TOMM34: variants seen among roughly 807,000 people sequenced by gnomAD.
TOMM34 encodes the protein mitochondrial import receptor subunit TOM34.
TOMM34 carries 24 observed loss-of-function variants against 37.4 expected under a neutral mutation model. The observed-to-expected ratio is 0.64, with a 90% CI of 0.46 to 0.90. The LOEUF (loss-of-function observed/expected upper bound fraction) is 0.90, where lower values mean the gene tolerates loss of function less well. TOMM34 is among the 40% of genes least tolerant of loss of function. The pLI is 0.00. For missense variants in TOMM34, 304 were observed against 375.6 expected (o/e 0.81, Z 1.58); for synonymous variants, 154 against 148.9 (o/e 1.03, Z -0.25).
rs2234203 is a variant in TOMM34 at position 44,955,202 on chromosome 20, G to C, written c.246C>G (p.Pro82=). ...GCCGCAGCAGGGGCTTAATGCTGAA[G>C]GGAACCAAGGCCAGTGCTCTAGAAT... ...KDCTSALALV[P]FSIKPLLRRA... Residue 82 remains proline (P), a synonymous_variant, in exon 3 of 7, where the codon CCC becomes CCG. Transcript: ENST00000372813. 6.0e-4 allele frequency: 964 copies of C among 1,614,142 alleles called. 5 individuals carry two copies. The African/African-American group carries it at 0.012, about 20-fold the overall frequency.
In TOMM34 at chr20:44,942,188, A is replaced by G. The variant is rs921824234; in HGVS notation, c.*921T>C. 1 of 152,278 alleles carries G rather than the reference A, an allele frequency of 6.6e-6. No individual in the cohort carries two copies. The highest frequency in any genetic ancestry group is 1.5e-5 in the Non-Finnish European group (1 of 68,056). 9.4% of individuals were successfully genotyped at this position (152,278 alleles called of 1,614,324 possible). A position where few individuals can be genotyped will look rare whatever the true frequency, so the allele number is the denominator to read the frequency against. On this transcript the variant is annotated 3_prime_UTR_variant, in exon 7 of 7. Coordinates refer to ENST00000372813, the MANE Select transcript of TOMM34 (RefSeq NM_006809.5). The stretch of plus-strand genomic sequence containing the variant: ...CTACAGAGTTCCAGGTGCAAAGCTG[A>G]AAAGGCATAAATGAAAGCACAGCAG...
At chr20:44,953,600 T>G (rs912054142) in intron 3 of TOMM34, among the ~76,000 whole-genome samples, 7 of 152,228 alleles carry the variant, frequency 4.6e-5, no homozygotes, top group African/African-American at 1.7e-4. Context: ...CTTTGTTCCA[T>G]GTAAATACCC....
intron 5 of TOMM34, among the ~76,000 whole-genome samples, chr20:44,947,180 T>G (rs1329023385): frequency 6.6e-6 from 1 of 152,144 alleles, no homozygotes; most frequent in Non-Finnish European, 1.5e-5. Context: ...ATGGAACAAA[T>G]AGGCTGCAGG....
intron 3 of TOMM34, chr20:44,952,830 T>C: frequency 1.6e-6 from 1 of 623,038 alleles, no homozygotes; most frequent in Non-Finnish European, 2.9e-6. Context: ...AACCACAGAC[T>C]GTATCACTAC....
rs181840514 is a variant in TOMM34 at position 44,959,070 on chromosome 20, G to A, written c.127+1137C>T. On this transcript the variant is annotated intron_variant, in intron 1 of 6. Coordinates refer to ENST00000372813, the MANE Select transcript of TOMM34 (RefSeq NM_006809.5). ...TTCCATGTCTTCACTATGTAACCCC[G>A]AGGGAGCCAATTTAACTCTCTTGGA... is the stretch of plus-strand genomic sequence containing the variant. 473 of 152,076 alleles carry A rather than the reference G, an allele frequency of 3.1e-3. 1 individual carries two copies. The highest frequency in any genetic ancestry group is 2.7e-3 in the Non-Finnish European group (182 of 68,016). The allele number at this position is 152,076 out of a possible 1,614,324, so 9.4% of individuals were successfully genotyped here. A position where few individuals can be genotyped will look rare whatever the true frequency, so the allele number is the denominator to read the frequency against.
intron 1 of TOMM34, among the ~76,000 whole-genome samples, chr20:44,956,792 G>C (rs1233060322): frequency 2.7e-5 from 4 of 149,900 alleles, no homozygotes; most frequent in African/African-American, 9.8e-5. Flanking sequence ...AATCCATGCT[G>C]TAACTACTTG....
intron 3 of TOMM34, among the ~76,000 whole-genome samples, chr20:44,952,311 A>G (rs1264495244): frequency 1.3e-5 from 2 of 152,262 alleles, no homozygotes; most frequent in African/African-American, 4.8e-5. Flanking sequence ...AGAAAGAATC[A>G]TACATTTTGT....
chr20:44,953,511 TTC>T (rs2067044247), intron 3 of TOMM34, among the ~76,000 whole-genome samples: 1 of 152,194 alleles, frequency 6.6e-6, no homozygotes, highest in Non-Finnish European at 1.5e-5. Context: ...AGCTGTGATG[TTC>T]TTTTTCTTTC....
chr20:44,951,953 G>A lies in TOMM34; in HGVS notation c.430C>T (p.Leu144=), dbSNP rs1275949396. ...ACAGGCACCAAGGGGATTGAGGGCAGCTTCAGGCGCCACTCAGGCCCAAGC... is the reference window on the plus strand; with the variant it reads ...ACAGGCACCAAGGGGATTGAGGGCAACTTCAGGCGCCACTCAGGCCCAAGC... ...DSLGPEWRLK[L]PSIPLVPVSA... is the part of the protein sequence containing the mutation. The change falls in exon 4 of 7, where the codon CTG becomes TTG. Residue 144 remains leucine (L), a synonymous_variant. Transcript: ENST00000372813. The A allele has an allele frequency of 6.2e-6, 10 of 1,613,956 alleles. No individual in the cohort carries two copies. Among genetic ancestry groups the A allele is most frequent in the Non-Finnish European group, 8.5e-6 (10 of 1,179,964 alleles).
intron 3 of TOMM34, among the ~76,000 whole-genome samples, chr20:44,954,618 T>C (rs56036561): frequency 5.9e-5 from 9 of 152,310 alleles, no homozygotes; most frequent in Non-Finnish European, 1.0e-4. Context: ...GGGGAACCTC[T>C]TGGATTGGTC....
chr20:44,947,423 AT>A (rs1363880483), intron 5 of TOMM34, among the ~76,000 whole-genome samples: 1 of 152,230 alleles, frequency 6.6e-6, no homozygotes, highest in African/African-American at 2.4e-5. Context: ...AATACTAATA[AT>A]TAACTTCTGC....
At position 44,960,304 on chromosome 20, in the gene TOMM34, C is replaced by A; in HGVS notation, c.30G>T (p.Glu10Asp). 1 of 1,584,916 alleles carries A rather than the reference C, an allele frequency of 6.3e-7. No homozygotes were observed. Residue 10 changes from glutamate to aspartate, a missense_variant, in exon 1 of 7, where the codon GAG becomes GAT. By Grantham distance (45) the Glu-to-Asp change is conservative. Transcript: ENST00000372813. Reference sequence around the variant, plus strand: ...TCTCATTGCCGGCGGCGCGGAGCTCCTCCACAGAGTCTGGGAATTTGGGGG... The same window carrying A: ...TCTCATTGCCGGCGGCGCGGAGCTCATCCACAGAGTCTGGGAATTTGGGGG... MAPKFPDSV[E>D]ELRAAGNESF...
rs938637030 is a variant in TOMM34 at position 44,942,261 on chromosome 20, G to C, written c.*848C>G. Reference sequence around the variant, plus strand: ...TTTAATGCAACAGCTTAAACACACAGTTCAACAAAATCAGTCAATTCAAAT... The same window carrying C: ...TTTAATGCAACAGCTTAAACACACACTTCAACAAAATCAGTCAATTCAAAT... On this transcript the variant is annotated 3_prime_UTR_variant, in exon 7 of 7. Transcript: ENST00000372813. 3.3e-5 allele frequency: 5 copies of C among 152,230 alleles called. No homozygotes were observed. The highest frequency in any genetic ancestry group is 1.2e-4 in the African/African-American group (5 of 41,446). 9.4% of individuals were successfully genotyped at this position (152,230 alleles called of 1,614,324 possible).
intron 3 of TOMM34, among the ~76,000 whole-genome samples, chr20:44,954,767 T>C (rs2067056016): frequency 6.6e-6 from 1 of 152,220 alleles, no homozygotes; most frequent in Admixed American, 6.5e-5. Context: ...CTCATTTTGG[T>C]ATCCCCCACT....
Position 44,948,752 on chromosome 20 carries a change from C to G in TOMM34, c.676G>C (p.Glu226Gln). Residue 226 changes from glutamate to glutamine, a missense_variant, in exon 5 of 7, where the codon GAA becomes CAA. By Grantham distance (29) the Glu-to-Gln change is conservative. Coordinates refer to ENST00000372813, the MANE Select transcript of TOMM34 (RefSeq NM_006809.5). ...YSESLLCSNL[E>Q]SATYSNRALC... ...TACCTGTTGCTGTACGTGGCAGATTCCAGGTTACTACACAAGAGGCTTTCA... is the reference window on the plus strand; with the variant it reads ...TACCTGTTGCTGTACGTGGCAGATTGCAGGTTACTACACAAGAGGCTTTCA... The G allele has an allele frequency of 1.2e-6, 2 of 1,614,130 alleles. No individual in the cohort carries two copies. Among genetic ancestry groups the G allele is most frequent in the Non-Finnish European group, 1.7e-6 (2 of 1,179,982 alleles).
chr20:44,953,721 A>G (rs752231162), intron 3 of TOMM34, among the ~76,000 whole-genome samples: 1 of 152,028 alleles, frequency 6.6e-6, no homozygotes, highest in Non-Finnish European at 1.5e-5. Flanking sequence ...CGCAACCACT[A>G]AAGCTTGTTG....
At chr20:44,956,590 T>C (rs147130262) in intron 1 of TOMM34, 105 bp from the exon 2 acceptor site, 39 of 1,032,268 alleles carry the variant, frequency 3.8e-5, no homozygotes, top group Non-Finnish European at 5.2e-5. Flanking sequence ...GTTAAGGCAG[T>C]AGAGATAACT....
chr20:44,955,670 A>G (rs2067065874), intron 2 of TOMM34: 20 of 456,954 alleles, frequency 4.4e-5, no homozygotes, highest in South Asian at 3.1e-4. Flanking sequence ...CTGGCCTGGG[A>G]CACATGGTAA....
Position 44,956,477 on chromosome 20 carries a change from C to G in TOMM34, c.136G>C (p.Asp46His). The G allele has an allele frequency of 2.5e-6, 4 of 1,614,126 alleles. No homozygotes were observed. The highest frequency in any genetic ancestry group is 3.4e-6 in the Non-Finnish European group (4 of 1,180,038). Reference sequence around the variant, plus strand: ...TAGAGAACACTTTCTTCTTCTGGGTCTGAAGAACCTGCCCAGATAGAGTGG... The same window carrying G: ...TAGAGAACACTTTCTTCTTCTGGGTGTGAAGAACCTGCCCAGATAGAGTGG... ...LRVLQAQGSS[D>H]PEEESVLYSN... is the part of the protein sequence containing the mutation. Residue 46 changes from aspartate (D) to histidine (H), a missense_variant, in exon 2 of 7, where the codon GAC becomes CAC. Coordinates refer to ENST00000372813, the MANE Select transcript of TOMM34 (RefSeq NM_006809.5).
Sources: allele counts gnomAD v4.1 joint callset (sites outside exome capture counted in the v4.1 genomes callset), GRCh38; gene constraint gnomAD v4.1.1; transcripts MANE v1.5; gene names NCBI Gene and HGNC (gene_info 2026-07-23, HGNC 2026-07-21).